Variants in NRG3 observed in about 807,000 individuals in gnomAD.
The protein encoded by NRG3 is pro-neuregulin-3, membrane-bound isoform.
A neutral mutation model predicts 66.9 loss-of-function variants in NRG3; 31 were observed. The observed-to-expected ratio is 0.46, with a 90% CI of 0.35 to 0.63. The LOEUF (loss-of-function observed/expected upper bound fraction) is 0.63. Ranked by LOEUF, NRG3 falls within the 20% of genes least tolerant of loss-of-function variation. NRG3 has a pLI of 0.00. For synonymous variants in NRG3, 393 were observed against 359.4 expected (o/e 1.09, Z -1.06); for missense variants, 910 against 878.9 (o/e 1.04, Z -0.45).
chr10:82,220,426 G>C (rs17099632), intron 1 of NRG3, among the ~76,000 whole-genome samples: 16,996 of 152,106 alleles, frequency 0.11, 1,179 homozygotes, highest in Admixed American at 0.21. Flanking sequence ...GTGAAAAACA[G>C]CTTCAGGAAA....
chr10:82,417,593 A>G (rs1265219079), intron 2 of NRG3, among the ~76,000 whole-genome samples: 3 of 152,136 alleles, frequency 2.0e-5, no homozygotes, highest in South Asian at 2.1e-4. Context: ...AACTTATGCT[A>G]TTGTCCACAG....
chr10:82,211,296 A>G (rs892733177), intron 1 of NRG3, among the ~76,000 whole-genome samples: 1 of 152,146 alleles, frequency 6.6e-6, no homozygotes, highest in Non-Finnish European at 1.5e-5. Context: ...TTCCACTCAG[A>G]TTTAACAACA....
intron 6 of NRG3, among the ~76,000 whole-genome samples, chr10:82,961,708 A>T (rs1850659117): frequency 6.6e-6 from 1 of 152,160 alleles, no homozygotes; most frequent in Admixed American, 6.5e-5. Flanking sequence ...TCAACAGAAG[A>T]TTATCCTTCC....
intron 2 of NRG3, among the ~76,000 whole-genome samples, chr10:82,529,659 A>G (rs1334653837): frequency 6.6e-6 from 1 of 152,202 alleles, no homozygotes; most frequent in Non-Finnish European, 1.5e-5. Context: ...ATGTTTCTCT[A>G]CATTTAGCAT....
intron 1 of NRG3, among the ~76,000 whole-genome samples, chr10:82,184,135 A>G (rs1416801121): frequency 6.6e-6 from 1 of 152,168 alleles, no homozygotes; most frequent in Non-Finnish European, 1.5e-5. Flanking sequence ...AGAACCTTAT[A>G]GGAAATATCT....
intron 1 of NRG3, among the ~76,000 whole-genome samples, chr10:82,072,371 A>C (rs191144249): frequency 6.6e-6 from 1 of 152,342 alleles, no homozygotes; most frequent in Admixed American, 6.5e-5. Flanking sequence ...GACCATAGCT[A>C]GATGGTTCCC....
intron 1 of NRG3, among the ~76,000 whole-genome samples, chr10:82,183,230 A>C (rs1321458582): frequency 6.6e-6 from 1 of 151,064 alleles, no homozygotes; most frequent in Non-Finnish European, 1.5e-5. Flanking sequence ...TTTTCTCTCT[A>C]TCTCTTTCCT....
intron 1 of NRG3, among the ~76,000 whole-genome samples, chr10:82,162,536 A>G (rs1281078375): frequency 6.6e-6 from 1 of 152,148 alleles, no homozygotes; most frequent in African/African-American, 2.4e-5. Context: ...CTTTTTGGGC[A>G]GAGTAAATCT....
chr10:82,457,541 T>C (rs368880721), intron 2 of NRG3, among the ~76,000 whole-genome samples: 2 of 152,094 alleles, frequency 1.3e-5, no homozygotes, highest in Admixed American at 6.5e-5. Context: ...GGCCTGGAGA[T>C]TGGGGACCCC....
chr10:82,576,265 A>G (rs1349016866), intron 2 of NRG3, among the ~76,000 whole-genome samples: 4 of 151,574 alleles, frequency 2.6e-5, no homozygotes, highest in East Asian at 2.0e-4. Context: ...CAAGGATGCA[A>G]TCCTGGGACA....
intron 3 of NRG3, among the ~76,000 whole-genome samples, chr10:82,838,592 T>C (rs1326579976): frequency 1.3e-5 from 2 of 152,110 alleles, no homozygotes; most frequent in Non-Finnish European, 2.9e-5. Flanking sequence ...TCTTGCTACA[T>C]AGCTGATTGT....
At chr10:82,665,472 T>C (rs1300471892) in intron 2 of NRG3, among the ~76,000 whole-genome samples, 5 of 152,174 alleles carry the variant, frequency 3.3e-5, no homozygotes, top group South Asian at 4.1e-4. Context: ...ACTTTCATGA[T>C]CACACTTTGG....
chr10:81,987,857 T>C (rs1055914155), intron 1 of NRG3, among the ~76,000 whole-genome samples: 2 of 152,202 alleles, frequency 1.3e-5, no homozygotes, highest in African/African-American at 4.8e-5. Context: ...GGAAGCTCAC[T>C]GAAATGTTTT....
At chr10:81,945,188 T>C (rs1226890975) in intron 1 of NRG3, among the ~76,000 whole-genome samples, 2 of 152,182 alleles carry the variant, frequency 1.3e-5, no homozygotes, top group Non-Finnish European at 2.9e-5. Flanking sequence ...TGTTTTGTTT[T>C]TTTTCCATGA....
intron 1 of NRG3, among the ~76,000 whole-genome samples, chr10:82,350,113 C>A (rs111867784): frequency 2.0e-5 from 3 of 152,004 alleles, no homozygotes; most frequent in Admixed American, 6.6e-5. Context: ...TACACGGAAC[C>A]CACGAACATG....
intron 4 of NRG3, among the ~76,000 whole-genome samples, chr10:82,941,797 C>T (rs1848592739): frequency 6.6e-6 from 1 of 152,156 alleles, no homozygotes; most frequent in Admixed American, 6.6e-5. Context: ...TATGTAGACT[C>T]TTAACTTCAG....
chr10:82,875,721 G>T (rs534796522), intron 4 of NRG3, among the ~76,000 whole-genome samples: 1 of 152,114 alleles, frequency 6.6e-6, no homozygotes, highest in African/African-American at 2.4e-5. Flanking sequence ...CAGTACATGC[G>T]CTGTTAATCA....
chr10:82,519,283 GT>G (rs1217872863), intron 2 of NRG3, among the ~76,000 whole-genome samples: 1 of 152,108 alleles, frequency 6.6e-6, no homozygotes, highest in Non-Finnish European at 1.5e-5. Flanking sequence ...CTAAATTTGA[GT>G]TACCTTGCCA....
intron 2 of NRG3, among the ~76,000 whole-genome samples, chr10:82,615,767 G>A (rs147494824): frequency 1.3e-5 from 2 of 152,176 alleles, no homozygotes; most frequent in African/African-American, 4.8e-5. Flanking sequence ...AATGTGGAGG[G>A]ATCTAATAAA....
Sources: gnomAD v4.1 joint callset for allele counts (sites outside exome capture counted in the v4.1 genomes callset) on GRCh38, gnomAD v4.1.1 for gene constraint, MANE v1.5 for transcripts, NCBI Gene and HGNC (gene_info 2026-07-23, HGNC 2026-07-21) for gene names.